The following ZBTB25 variants were observed in gnomAD, a reference collection of about 807,000 sequenced individuals.
ZBTB25 encodes zinc finger and BTB domain containing 25.
Under a neutral mutation model 34.2 loss-of-function variants are expected in ZBTB25, and 20 were observed. That is an observed-to-expected ratio of 0.58 (90% CI 0.41 to 0.85). The LOEUF (loss-of-function observed/expected upper bound fraction) is 0.85. Among genes scored for constraint, ZBTB25 ranks in the 40% least tolerant of loss-of-function variants. ZBTB25 has a pLI of 0.00. For missense variants in ZBTB25, 437 were observed against 521.8 expected (o/e 0.84, Z 1.58); for synonymous variants, 175 against 186.4 (o/e 0.94, Z 0.50).
intron 2 of ZBTB25, chr14:64,469,618 A>T: frequency 6.2e-7 from 1 of 1,609,226 alleles, no homozygotes; most frequent in East Asian, 2.2e-5. Context: ...AGTTGTCAAT[A>T]GAACAGCTGG....
At chr14:64,463,468 G>A (rs1466822241) in intron 2 of ZBTB25, 1 of 152,046 alleles carries the variant, frequency 6.6e-6, no homozygotes, top group Non-Finnish European at 1.5e-5. Flanking sequence ...CTGCCTTTCA[G>A]TTCCCTTTTA....
chr14:64,476,193 G>A (rs2078717580), downstream of ZBTB25, among the ~76,000 whole-genome samples: 1 of 152,208 alleles, frequency 6.6e-6, no homozygotes, highest in Non-Finnish European at 1.5e-5. Flanking sequence ...TCACAATGCA[G>A]CTTCAGGCAT....
chr14:64,500,999 T>G (rs1281581787), intron 1 of ZBTB25, among the ~76,000 whole-genome samples: 2 of 152,104 alleles, frequency 1.3e-5, no homozygotes, highest in African/African-American at 4.8e-5. Flanking sequence ...TGCAGTGAGC[T>G]GAAATTACAC....
intron 2 of ZBTB25, 116 bp from the exon 3 acceptor site, chr14:64,488,173 T>C: frequency 7.0e-7 from 1 of 1,428,490 alleles, no homozygotes; most frequent in South Asian, 1.5e-5. Context: ...AACCTAGCAA[T>C]CTGCCTTAAT....
At chr14:64,491,737 T>C (rs1490107996) in intron 1 of ZBTB25, among the ~76,000 whole-genome samples, 1 of 152,000 alleles carries the variant, frequency 6.6e-6, no homozygotes, top group African/African-American at 2.4e-5. Context: ...AAGGTAGCTG[T>C]AGTATAAAGG....
chr14:64,452,622 C>T, intron 2 of ZBTB25, among the ~76,000 whole-genome samples: 1 of 152,216 alleles, frequency 6.6e-6, no homozygotes, highest in East Asian at 1.9e-4. Context: ...TGGACATGCC[C>T]AATGCGTGTT....
At position 64,493,715 on chromosome 14, in the gene ZBTB25, C is replaced by T. The variant is rs1234198352; in HGVS notation, c.-7-3175G>A. On this transcript the variant is annotated intron_variant, in intron 1 of 2. Transcript: ENST00000608382. ...TCCAGCTTGGGTAATTGGAAGAATT[C>T]ATCCATTCCTTCAGATTACATTTTC... Among the ~76,000 whole-genome samples the T allele has an allele frequency of 3.3e-5, 5 of 152,126 alleles. No homozygotes were observed. In the East Asian group the frequency reaches 9.7e-4, roughly 29 times the overall value.
At chr14:64,475,675 T>G (rs2078713336), downstream of ZBTB25, among the ~76,000 whole-genome samples, 5 of 152,204 alleles carry the variant, frequency 3.3e-5, no homozygotes, top group South Asian at 1.0e-3. Flanking sequence ...AGAGTATGCG[T>G]GTCTGTGCAC....
chr14:64,476,274 T>G (rs1157020044), downstream of ZBTB25, among the ~76,000 whole-genome samples: 1 of 152,240 alleles, frequency 6.6e-6, no homozygotes, highest in East Asian at 1.9e-4. Flanking sequence ...ATTTGCAACA[T>G]AAGAACTTTA....
At chr14:64,459,203 A>G (rs1343212037) in intron 2 of ZBTB25, among the ~76,000 whole-genome samples, 1 of 152,182 alleles carries the variant, frequency 6.6e-6, no homozygotes, top group African/African-American at 2.4e-5. Context: ...TTATTTAGCA[A>G]TGTACTTAGC....
At chr14:64,467,009 A>G (rs2078619064) in intron 2 of ZBTB25, 2 of 152,194 alleles carry the variant, frequency 1.3e-5, no homozygotes, top group East Asian at 3.8e-4. Context: ...AGAATTTCAA[A>G]AGCTTGGTTT....
chr14:64,453,728 G>A (rs1169361346), intron 2 of ZBTB25: 1 of 1,354,844 alleles, frequency 7.4e-7, no homozygotes, highest in South Asian at 1.2e-5. Context: ...CAGTCATGGT[G>A]TCCCCATCTC....
chr14:64,454,968 A>G, intron 2 of ZBTB25: 1 of 1,301,854 alleles, frequency 7.7e-7, no homozygotes, highest in Middle Eastern at 1.8e-4. Context: ...AAGTGAGCAG[A>G]GTTCACTGCC....
chr14:64,469,002 C>A, intron 2 of ZBTB25: 1 of 1,614,232 alleles, frequency 6.2e-7, no homozygotes, highest in Non-Finnish European at 8.5e-7. Flanking sequence ...AGCAATAGCA[C>A]AACTTCTGGA....
intron 1 of ZBTB25, chr14:64,502,657 G>A (rs1328400816): frequency 1.0e-5 from 10 of 985,318 alleles, no homozygotes; most frequent in Non-Finnish European, 1.2e-5. Flanking sequence ...AATGACCTCC[G>A]CCGGATACAT....
intron 1 of ZBTB25, chr14:64,502,974 T>C (rs1039011063): frequency 2.7e-5 from 27 of 985,304 alleles, no homozygotes; most frequent in Middle Eastern, 5.2e-4. Context: ...CCAAATTTAA[T>C]CCCTTGGGGT....
intron 2 of ZBTB25, chr14:64,459,863 C>T (rs1803949): frequency 6.5e-7 from 1 of 1,535,992 alleles, no homozygotes; most frequent in African/African-American, 1.4e-5. Flanking sequence ...TCAGCCCCTG[C>T]CCAGAAGATC....
chr14:64,461,573 CTTTTTTTTTTTTTTTTTT>C (rs1188279643), intron 2 of ZBTB25: 3 of 95,000 alleles, frequency 3.2e-5, no homozygotes, highest in Admixed American at 2.8e-4. Context: ...TTTTTTTTTC[CTTTTTTTTTTTTTTTTTT>C]GGCAGGGGGG....
intron 2 of ZBTB25, chr14:64,463,011 C>A (rs887664149): frequency 6.6e-6 from 1 of 152,076 alleles, no homozygotes; most frequent in African/African-American, 2.4e-5. Flanking sequence ...TACTGGCACA[C>A]TGTATCTAGT....
Sources: allele counts gnomAD v4.1 joint callset (sites outside exome capture counted in the v4.1 genomes callset), GRCh38; gene constraint gnomAD v4.1.1; transcripts MANE v1.5; gene names NCBI Gene and HGNC (gene_info 2026-07-23, HGNC 2026-07-21).